The following MCC variants were observed in gnomAD, a reference collection of about 807,000 sequenced individuals.
MCC encodes the protein MCC regulator of Wnt signaling pathway.
In MCC, 90 loss-of-function variants were observed where a neutral mutation model predicts 116.2. That is an observed-to-expected ratio of 0.77 (90% CI 0.65 to 0.92). MCC has a LOEUF of 0.92. MCC is among the 40% of genes least tolerant of loss of function. MCC has a pLI of 0.00. For synonymous variants in MCC, 578 were observed against 510.5 expected (o/e 1.13, Z -1.78); for missense variants, 1,516 against 1,312.2 (o/e 1.16, Z -2.40).
chr5:113,279,700 A>G (rs1200256288), intron 3 of MCC, among the ~76,000 whole-genome samples: 1 of 152,236 alleles, frequency 6.6e-6, no homozygotes, highest in African/African-American at 2.4e-5. Flanking sequence ...TTACGTTACC[A>G]TTCTCACAAG....
At chr5:113,402,257 G>A (rs1464983422) in intron 1 of MCC, among the ~76,000 whole-genome samples, 1 of 141,274 alleles carries the variant, frequency 7.1e-6, no homozygotes, top group African/African-American at 2.8e-5. Flanking sequence ...TTGCGCCACT[G>A]CACTCCAGCC....
At chr5:113,331,340 C>G (rs1725196309) in intron 3 of MCC, among the ~76,000 whole-genome samples, 1 of 151,766 alleles carries the variant, frequency 6.6e-6, no homozygotes, top group Non-Finnish European at 1.5e-5. Context: ...TAGCAAAGAT[C>G]TGAAGTAGCT....
intron 6 of MCC, among the ~76,000 whole-genome samples, chr5:113,104,786 G>C (rs1209093592): frequency 1.3e-5 from 2 of 152,202 alleles, no homozygotes; most frequent in Non-Finnish European, 2.9e-5. Context: ...TTGAAAAACA[G>C]AAACTGTGTA....
intron 3 of MCC, among the ~76,000 whole-genome samples, chr5:113,241,451 T>C (rs1387432260): frequency 1.3e-5 from 2 of 152,120 alleles, no homozygotes; most frequent in Non-Finnish European, 2.9e-5. Flanking sequence ...TTTACTCTCA[T>C]AGAAACCCAG....
intron 1 of MCC, among the ~76,000 whole-genome samples, chr5:113,412,121 A>G (rs1273912080): frequency 6.6e-6 from 1 of 152,164 alleles, no homozygotes; most frequent in Admixed American, 6.5e-5. Flanking sequence ...GGTCTGTTCC[A>G]TTGATCTATA....
chr5:113,244,095 T>C lies in MCC; in HGVS notation c.628-92673A>G, dbSNP rs753701229. On this transcript the variant is annotated intron_variant, in intron 3 of 18. Coordinates refer to ENST00000408903, the MANE Select transcript of MCC (RefSeq NM_001085377.2). Reference sequence around the variant, plus strand: ...AAGATGTGTCTTTGGATAGCATACATGGAAATATCAAAATTATCTAAATCT... The same window carrying C: ...AAGATGTGTCTTTGGATAGCATACACGGAAATATCAAAATTATCTAAATCT... Among the ~76,000 whole-genome samples the C allele has an allele frequency of 8.5e-5, 13 of 152,322 alleles. No homozygotes were observed. The Middle Eastern group carries it at 0.01, about 120-fold the overall frequency.
intron 1 of MCC, among the ~76,000 whole-genome samples, chr5:113,468,649 T>C (rs1771983679): frequency 6.6e-6 from 1 of 152,228 alleles, no homozygotes; most frequent in African/African-American, 2.4e-5. Flanking sequence ...TTCTCTTTTT[T>C]GGTTGTGTCT....
intron 1 of MCC, among the ~76,000 whole-genome samples, chr5:113,453,893 C>G (rs1771469592): frequency 6.6e-6 from 1 of 152,060 alleles, no homozygotes; most frequent in South Asian, 2.1e-4. Flanking sequence ...TGTGGATCAC[C>G]TGAGGTTGGG....
chr5:113,255,127 T>G (rs1198216774), intron 3 of MCC, among the ~76,000 whole-genome samples: 1 of 152,116 alleles, frequency 6.6e-6, no homozygotes, highest in Non-Finnish European at 1.5e-5. Context: ...ATTGCACCAC[T>G]GCACTCCACC....
At chr5:113,115,105 G>A (rs1444354038) in intron 6 of MCC, among the ~76,000 whole-genome samples, 1 of 152,126 alleles carries the variant, frequency 6.6e-6, no homozygotes, top group East Asian at 1.9e-4. Context: ...CCTCCCCCCT[G>A]AGACGCTACT....
At chr5:113,367,631 G>GA (rs919373510) in intron 2 of MCC, among the ~76,000 whole-genome samples, 3 of 106,398 alleles carry the variant, frequency 2.8e-5, no homozygotes, top group Middle Eastern at 0.011. Flanking sequence ...GCAGAGGGTG[G>GA]GGGGGGGGAA....
At chr5:113,251,651 C>A (rs1323522796) in intron 3 of MCC, among the ~76,000 whole-genome samples, 1 of 152,188 alleles carries the variant, frequency 6.6e-6, no homozygotes, top group African/African-American at 2.4e-5. Context: ...TTTGCCAGAT[C>A]TTCTGACTTC....
At chr5:113,294,845 G>A (rs983069375) in intron 3 of MCC, 61 of 985,820 alleles carry the variant, frequency 6.2e-5, no homozygotes, top group African/African-American at 4.0e-4. Context: ...GAAGATCCGC[G>A]CCTCGGATTC....
intron 14 of MCC, among the ~76,000 whole-genome samples, chr5:113,063,773 T>A (rs1029272151): frequency 6.6e-6 from 1 of 152,232 alleles, no homozygotes; most frequent in Non-Finnish European, 1.5e-5. Flanking sequence ...CGACTGCAGT[T>A]TCCACATTGG....
At chr5:113,395,744 T>C (rs1323449501) in intron 1 of MCC, among the ~76,000 whole-genome samples, 1 of 152,214 alleles carries the variant, frequency 6.6e-6, no homozygotes, top group Non-Finnish European at 1.5e-5. Context: ...TATGCTGAGC[T>C]CCATACCATT....
chr5:113,055,866 G>T (rs1752801151), intron 14 of MCC, among the ~76,000 whole-genome samples: 2 of 152,186 alleles, frequency 1.3e-5, no homozygotes, highest in African/African-American at 2.4e-5. Flanking sequence ...TAATCAGAGA[G>T]GCCTTAAGGG....
rs555909698 is a variant in MCC at position 113,441,137 on chromosome 5, C to T, written c.170+47108G>A. 2.9e-3 allele frequency among the ~76,000 whole-genome samples: 448 copies of T among 152,252 alleles called. 6 individuals are homozygous for T. Among genetic ancestry groups the T allele is most frequent in the Middle Eastern group, 0.01 (3 of 294 alleles). On this transcript the variant is annotated intron_variant, in intron 1 of 18. Transcript: ENST00000408903. The stretch of plus-strand genomic sequence containing the variant: ...ATCACTTAAGGTCATGAGTTTGAGA[C>T]CAGACTGGCCAACATGGTGAAACCC...
intron 1 of MCC, among the ~76,000 whole-genome samples, chr5:113,397,564 G>C (rs966100690): frequency 3.2e-4 from 48 of 152,190 alleles, no homozygotes; most frequent in African/African-American, 1.1e-3. Flanking sequence ...ATGGAATATT[G>C]AAATATAAGC....
At chr5:113,382,100 G>C (rs1026517882) in intron 2 of MCC, among the ~76,000 whole-genome samples, 1 of 152,138 alleles carries the variant, frequency 6.6e-6, no homozygotes, top group Non-Finnish European at 1.5e-5. Flanking sequence ...CTGAAGAAAG[G>C]GTCAGAGAAA....
Sources: allele counts gnomAD v4.1 joint callset (sites outside exome capture counted in the v4.1 genomes callset), GRCh38; gene constraint gnomAD v4.1.1; transcripts MANE v1.5; gene names NCBI Gene and HGNC (gene_info 2026-07-23, HGNC 2026-07-21).